Variants in ZHX2 observed in about 807,000 individuals in gnomAD.
ZHX2 encodes zinc fingers and homeoboxes protein 2.
ZHX2 carries 6 observed loss-of-function variants against 21.9 expected under a neutral mutation model. The observed-to-expected ratio is 0.27, with a 90% CI of 0.15 to 0.54. ZHX2 has a LOEUF of 0.54. ZHX2 is among the 20% of genes least tolerant of loss of function. The pLI is 0.95. For missense variants in ZHX2, 908 were observed against 1,090.7 expected (o/e 0.83, Z 2.36); for synonymous variants, 434 against 437.1 (o/e 0.99, Z 0.09).
chr8:122,867,502 TGTGTTTTTTG>T (rs1819327869), intron 2 of ZHX2, among the ~76,000 whole-genome samples: 1 of 152,168 alleles, frequency 6.6e-6, no homozygotes, highest in Non-Finnish European at 1.5e-5. Flanking sequence ...ACAGAAGCAG[TGTGTTTTTTG>T]AATAGAAAAT....
upstream of ZHX2, among the ~76,000 whole-genome samples, chr8:122,781,231 G>A (rs1423711547): frequency 6.6e-6 from 1 of 152,190 alleles, no homozygotes; most frequent in African/African-American, 2.4e-5. This position sits in a 1 kb window ranked among gnomAD's most constrained non-coding sequence, Gnocchi z 4.6. Context: ...CGCGCCCTTC[G>A]GTCCCACGGT....
intron 1 of ZHX2, among the ~76,000 whole-genome samples, chr8:122,858,240 A>C (rs1819077119): frequency 1.3e-5 from 2 of 152,136 alleles, no homozygotes; most frequent in African/African-American, 4.8e-5. Flanking sequence ...GTTTGATGCT[A>C]TCACCTTAGG....
chr8:122,929,640 TAAA>T (rs754405611), intron 2 of ZHX2, among the ~76,000 whole-genome samples: 1 of 136,408 alleles, frequency 7.3e-6, no homozygotes, highest in Admixed American at 7.3e-5. Context: ...GACCATGTCT[TAAA>T]AAAAAAAAAA....
Position 122,952,134 on chromosome 8 carries a change from C to G in ZHX2, c.624C>G (p.Pro208=). The G allele has an allele frequency of 6.2e-7, 1 of 1,613,746 alleles. No individual in the cohort carries two copies. Among genetic ancestry groups the G allele is most frequent in the African/African-American group, 1.3e-5 (1 of 74,870 alleles). The change falls in exon 3 of 4, where the codon CCC becomes CCG. Residue 208 remains proline, a synonymous_variant. Transcript: ENST00000314393. The surrounding 1 kb of genome is among the most constrained non-coding windows in gnomAD (Gnocchi z 6.9). The part of the protein sequence containing the change: ...KVPKKPEEIT[P]ENHVEGTARL... The stretch of plus-strand genomic sequence containing the variant: ...CCAAGAAGCCCGAGGAGATCACCCC[C>G]GAGAACCACGTGGAAGGGACCGCCC...
At chr8:122,933,148 T>A (rs1407259395) in intron 2 of ZHX2, among the ~76,000 whole-genome samples, 1 of 152,148 alleles carries the variant, frequency 6.6e-6, no homozygotes, top group Non-Finnish European at 1.5e-5. Context: ...AAAAGCCCTG[T>A]CTCGCCCTGA....
chr8:122,843,842 T>G (rs1197247894), intron 1 of ZHX2, among the ~76,000 whole-genome samples: 1 of 152,118 alleles, frequency 6.6e-6, no homozygotes, highest in South Asian at 2.1e-4. Flanking sequence ...TAAAGATTTG[T>G]CTGGTGTATA....
At chr8:122,938,802 C>T (rs1468305414) in intron 2 of ZHX2, among the ~76,000 whole-genome samples, 1 of 151,782 alleles carries the variant, frequency 6.6e-6, no homozygotes, top group Non-Finnish European at 1.5e-5. Context: ...CACACCACTG[C>T]ACTCCAGCCT....
chr8:122,966,363 C>G (rs1586431700), intron 3 of ZHX2, among the ~76,000 whole-genome samples: 1 of 152,122 alleles, frequency 6.6e-6, no homozygotes, highest in Non-Finnish European at 1.5e-5. Context: ...GGTGAATTCT[C>G]TCAGTATTTG....
chr8:122,851,457 C>T (rs1818898654), intron 1 of ZHX2, among the ~76,000 whole-genome samples: 1 of 152,162 alleles, frequency 6.6e-6, no homozygotes, highest in Non-Finnish European at 1.5e-5. Flanking sequence ...CCTTCCCTGA[C>T]AATCATAGCT....
intron 2 of ZHX2, among the ~76,000 whole-genome samples, chr8:122,942,195 T>C (rs1812862552): frequency 6.6e-6 from 1 of 151,552 alleles, no homozygotes; most frequent in Admixed American, 6.6e-5. Flanking sequence ...CCACAACATA[T>C]CTACCCAGGA....
intron 2 of ZHX2, among the ~76,000 whole-genome samples, chr8:122,897,086 C>T (rs1043229187): frequency 4.9e-4 from 75 of 152,150 alleles, no homozygotes; most frequent in African/African-American, 1.7e-3. Flanking sequence ...ACTTGATAGA[C>T]CCTTGGTGTC....
chr8:122,862,696 A>G (rs1468721950), intron 1 of ZHX2, among the ~76,000 whole-genome samples: 1 of 152,246 alleles, frequency 6.6e-6, no homozygotes, highest in Non-Finnish European at 1.5e-5. Flanking sequence ...GGATGAAAAG[A>G]GAAAGCTCTG....
intron 1 of ZHX2, among the ~76,000 whole-genome samples, chr8:122,808,492 AC>A (rs1247055741): frequency 1.3e-5 from 2 of 152,168 alleles, no homozygotes; most frequent in African/African-American, 4.8e-5. Context: ...ACTCATTATC[AC>A]TAGAATAGCA....
intron 1 of ZHX2, among the ~76,000 whole-genome samples, chr8:122,862,226 C>G (rs139103391): frequency 1.5e-4 from 23 of 152,322 alleles, no homozygotes; most frequent in Admixed American, 2.6e-4. Flanking sequence ...AAAGCCAGGT[C>G]TGACTGCACC....
At chr8:122,804,556 G>A (rs941008934) in intron 1 of ZHX2, among the ~76,000 whole-genome samples, 2 of 152,208 alleles carry the variant, frequency 1.3e-5, no homozygotes, top group South Asian at 4.1e-4. Context: ...ACATAGGCAG[G>A]TGCACAAGGT....
At chr8:122,785,527 CTATA>C (rs1185643651) in intron 1 of ZHX2, among the ~76,000 whole-genome samples, 1 of 152,200 alleles carries the variant, frequency 6.6e-6, no homozygotes, top group Admixed American at 6.5e-5. Flanking sequence ...AGCTTCACTG[CTATA>C]TCTGGGAAGG....
rs566974360 is a variant in ZHX2, at chr8:122,953,829, G to A, written c.2319G>A (p.Glu773=). The A allele has an allele frequency of 1.9e-6, 3 of 1,614,226 alleles. No individual in the cohort carries two copies. The highest frequency in any genetic ancestry group is 2.2e-5 in the East Asian group (1 of 44,874). ...CAGAGGCCACCTCAGACCGGTCAGA[G>A]GGCAGCAGCCGGGACGGCCAGGGTA... is the stretch of plus-strand genomic sequence containing the variant. ...KPSEATSDRS[E]GSSRDGQGSD... Residue 773 remains glutamate, a synonymous_variant, in exon 3 of 4, where the codon GAG becomes GAA. Transcript: ENST00000314393. The surrounding 1 kb of genome is among the most constrained non-coding windows in gnomAD (Gnocchi z 4.6).
chr8:122,861,460 T>G (rs1819165391), intron 1 of ZHX2, among the ~76,000 whole-genome samples: 1 of 152,214 alleles, frequency 6.6e-6, no homozygotes. Context: ...CTAGTTTACA[T>G]TGAGAAAAGT....
chr8:122,889,455 G>A (rs1002583441), intron 2 of ZHX2, among the ~76,000 whole-genome samples: 4 of 152,112 alleles, frequency 2.6e-5, no homozygotes, highest in African/African-American at 7.2e-5. Context: ...TTATGGTTTC[G>A]ATTTGCATTT....
Sources: allele counts gnomAD v4.1 joint callset (sites outside exome capture counted in the v4.1 genomes callset), GRCh38; gene constraint gnomAD v4.1.1; non-coding constraint Gnocchi (gnomAD v3.1); transcripts MANE v1.5; gene names NCBI Gene and HGNC (gene_info 2026-07-23, HGNC 2026-07-21).